The following MSRA variants were observed in gnomAD, a reference collection of about 807,000 sequenced individuals.
The protein encoded by MSRA is mitochondrial peptide methionine sulfoxide reductase.
In MSRA, 54 loss-of-function variants were observed where a neutral mutation model predicts 31.3. The ratio of observed to expected loss-of-function variants is 1.73; its 90% CI spans 1.39 to 2.17. The LOEUF (loss-of-function observed/expected upper bound fraction) is 2.17, where lower values mean the gene tolerates loss of function less well. MSRA is among the 30% of genes most tolerant of loss of function. The pLI is 0.00. For missense variants in MSRA, 507 were observed against 300.9 expected (o/e 1.69, Z -5.07); for synonymous variants, 169 against 116.5 (o/e 1.45, Z -2.90).
At chr8:10,133,885 C>T (rs374370110) in intron 1 of MSRA, among the ~76,000 whole-genome samples, 8 of 152,096 alleles carry the variant, frequency 5.3e-5, no homozygotes, top group African/African-American at 1.9e-4. Flanking sequence ...GGCTGGAGTG[C>T]AGTGTCACAA....
At chr8:10,224,783 G>A (rs1810849144) in intron 2 of MSRA, among the ~76,000 whole-genome samples, 1 of 152,188 alleles carries the variant, frequency 6.6e-6, no homozygotes, top group Non-Finnish European at 1.5e-5. Context: ...AAAGATTCCT[G>A]CACTCCTTAG....
chr8:10,427,611 C>G lies in MSRA; in HGVS notation c.544-537C>G, dbSNP rs550965915. 6.6e-5 allele frequency among the ~76,000 whole-genome samples: 10 copies of G among 152,302 alleles called. No individual in the cohort carries two copies. The South Asian group carries it at 1.5e-3, about 22-fold the overall frequency. ...GCGAGTGAGGGGACACTCTGTCTAT[C>G]CTGGGAGTGGGCTGGGGTCCTGTTC... On this transcript the variant is annotated intron_variant, in intron 5 of 5. Coordinates refer to ENST00000317173, the MANE Select transcript of MSRA (RefSeq NM_012331.5).
chr8:10,083,718 A>G (rs935563211), intron 1 of MSRA, among the ~76,000 whole-genome samples: 1 of 152,090 alleles, frequency 6.6e-6, no homozygotes, highest in African/African-American at 2.4e-5. Context: ...TTTATCTGCT[A>G]TCCTGTTTTT....
intron 3 of MSRA, among the ~76,000 whole-genome samples, chr8:10,282,957 G>T (rs746668453): frequency 6.6e-6 from 1 of 152,080 alleles, no homozygotes; most frequent in Non-Finnish European, 1.5e-5. Context: ...TTAGAGACCA[G>T]TCCTAACCCT....
chr8:10,207,829 C>G lies in MSRA; in HGVS notation c.143-4C>G. The G allele has an allele frequency of 1.3e-6, 2 of 1,494,802 alleles. No homozygotes were observed. Among genetic ancestry groups the G allele is most frequent in the Non-Finnish European group, 8.9e-7 (1 of 1,120,166 alleles). 92.6% of individuals were successfully genotyped at this position (1,494,802 alleles called of 1,614,324 possible). Reference sequence around the variant, plus strand: ...AACTTGCATTTCTTTTTTTTTTTTTCTAGCCAAACATCATGTCAATGGCAA... The same window carrying G: ...AACTTGCATTTCTTTTTTTTTTTTTGTAGCCAAACATCATGTCAATGGCAA... On this transcript the variant is annotated splice_region_variant and splice_polypyrimidine_tract_variant and intron_variant, in intron 1 of 5. Coordinates refer to ENST00000317173, the MANE Select transcript of MSRA (RefSeq NM_012331.5).
At chr8:10,326,104 C>G (rs1802348614) in intron 5 of MSRA, among the ~76,000 whole-genome samples, 1 of 152,206 alleles carries the variant, frequency 6.6e-6, no homozygotes, top group Admixed American at 6.5e-5. Flanking sequence ...TTGAGCGCTG[C>G]TGGGACCCCT....
chr8:10,130,604 G>C (rs181902929), intron 1 of MSRA, among the ~76,000 whole-genome samples: 1 of 152,100 alleles, frequency 6.6e-6, no homozygotes, highest in Non-Finnish European at 1.5e-5. Context: ...AATAATCTTG[G>C]CGTCACTATG....
At chr8:10,284,001 C>G (rs931366270) in intron 3 of MSRA, among the ~76,000 whole-genome samples, 2 of 151,494 alleles carry the variant, frequency 1.3e-5, no homozygotes, top group African/African-American at 4.8e-5. Flanking sequence ...ACTTCTTTTC[C>G]TCTTGGTAGA....
chr8:10,130,558 G>T (rs1011078490), intron 1 of MSRA, among the ~76,000 whole-genome samples: 4 of 152,178 alleles, frequency 2.6e-5, no homozygotes, highest in African/African-American at 4.8e-5. Flanking sequence ...GACAAAAATT[G>T]TGTAGGCTTT....
intron 1 of MSRA, among the ~76,000 whole-genome samples, chr8:10,176,303 C>A (rs534523873): frequency 6.6e-6 from 1 of 152,148 alleles, no homozygotes; most frequent in Non-Finnish European, 1.5e-5. Flanking sequence ...CATCTCAAAT[C>A]AAGCCTCCTC....
chr8:10,223,846 A>G (rs1157869588), intron 2 of MSRA, among the ~76,000 whole-genome samples: 1 of 152,188 alleles, frequency 6.6e-6, no homozygotes, highest in Non-Finnish European at 1.5e-5. Flanking sequence ...GTGAAGACCC[A>G]TCTTACTCAA....
intron 1 of MSRA, among the ~76,000 whole-genome samples, chr8:10,166,702 G>T (rs1463270688): frequency 1.3e-5 from 2 of 152,140 alleles, no homozygotes; most frequent in African/African-American, 4.8e-5. Flanking sequence ...TCATTCACTT[G>T]ATCATACTTT....
chr8:10,109,473 C>T (rs1034049601), intron 1 of MSRA, among the ~76,000 whole-genome samples: 1 of 151,980 alleles, frequency 6.6e-6, no homozygotes, highest in Non-Finnish European at 1.5e-5. Flanking sequence ...TCCCAATTAG[C>T]TGGGGCAACA....
At chr8:10,338,970 C>G (rs1409842769) in intron 5 of MSRA, among the ~76,000 whole-genome samples, 1 of 152,170 alleles carries the variant, frequency 6.6e-6, no homozygotes, top group Non-Finnish European at 1.5e-5. Flanking sequence ...GGAGCAAGTG[C>G]CAGGCCAGTT....
intron 5 of MSRA, among the ~76,000 whole-genome samples, chr8:10,329,533 T>A (rs182183605): frequency 6.6e-6 from 1 of 152,368 alleles, no homozygotes; most frequent in East Asian, 1.9e-4. Context: ...TTTAGTTACA[T>A]CTGTGAAATC....
intron 5 of MSRA, among the ~76,000 whole-genome samples, chr8:10,359,632 C>T (rs1804722162): frequency 6.6e-6 from 1 of 152,104 alleles, no homozygotes; most frequent in African/African-American, 2.4e-5. Flanking sequence ...AGAGTATTTA[C>T]TGCCACAGAG....
intron 5 of MSRA, among the ~76,000 whole-genome samples, chr8:10,407,184 T>C (rs933282822): frequency 1.4e-4 from 21 of 152,212 alleles, no homozygotes; most frequent in Admixed American, 1.4e-3. Flanking sequence ...GCCTAGACTA[T>C]GTGACATTTT....
chr8:10,341,952 A>G (rs371013685), intron 5 of MSRA, among the ~76,000 whole-genome samples: 1 of 152,184 alleles, frequency 6.6e-6, no homozygotes, highest in African/African-American at 2.4e-5. Context: ...CTCCTGTGAC[A>G]TAAGCTGTGC....
At chr8:10,085,422 C>T (rs796128811) in intron 1 of MSRA, among the ~76,000 whole-genome samples, 23 of 152,264 alleles carry the variant, frequency 1.5e-4, no homozygotes, top group African/African-American at 5.5e-4. Context: ...TCATTTCTTG[C>T]CACGTGATAT....
Sources: allele counts gnomAD v4.1 joint callset (sites outside exome capture counted in the v4.1 genomes callset), GRCh38; gene constraint gnomAD v4.1.1; transcripts MANE v1.5; gene names NCBI Gene and HGNC (gene_info 2026-07-23, HGNC 2026-07-21).